Variants in CC2D2B observed in about 807,000 individuals in gnomAD.
CC2D2B encodes protein CC2D2B.
A neutral mutation model predicts 161.2 loss-of-function variants in CC2D2B; 128 were observed. The observed-to-expected ratio is 0.79, with a 90% CI of 0.69 to 0.92. The LOEUF is 0.92. Ranked by LOEUF, CC2D2B falls within the 40% of genes least tolerant of loss-of-function variation. The pLI is 0.00. For synonymous variants in CC2D2B, 391 were observed against 449.8 expected (o/e 0.87, Z 1.65); for missense variants, 1,173 against 1,375.1 (o/e 0.85, Z 2.32).
At chr10:95,993,762 AAG>A (rs1166466179) in intron 22 of CC2D2B, among the ~76,000 whole-genome samples, 6 of 146,670 alleles carry the variant, frequency 4.1e-5, no homozygotes, top group Non-Finnish European at 9.0e-5. Flanking sequence ...TATATATAGA[AAG>A]AGTGTGTATA....
At position 96,019,290 on chromosome 10, in the gene CC2D2B, C is replaced by G; in HGVS notation, c.3718C>G (p.Pro1240Ala). The G allele has an allele frequency of 6.2e-7, 1 of 1,611,688 alleles. No individual in the cohort carries two copies. Among genetic ancestry groups the G allele is most frequent in the East Asian group, 2.2e-5 (1 of 44,818 alleles). Residue 1240 changes from proline to alanine, a missense_variant, in exon 31 of 35, where the codon CCG (proline) becomes GCG (alanine). By Grantham distance (27) the Pro-to-Ala change is conservative. Coordinates refer to ENST00000646931, the MANE Select transcript of CC2D2B (RefSeq NM_001349008.3). Reference sequence around the variant, plus strand: ...TGGCCAATGTTATAAGCAGTTTGACCCGTTTTGTCCCTTAAAAAGTGTAGA... The same window carrying G: ...TGGCCAATGTTATAAGCAGTTTGACGCGTTTTGTCCCTTAAAAAGTGTAGA... Reference protein sequence around the residue: ...STGQCYKQFDPFCPLKSVDCL... With the variant: ...STGQCYKQFDAFCPLKSVDCL...
At chr10:96,025,168 T>TATATAAAAAAA (rs1564683746) in intron 33 of CC2D2B, among the ~76,000 whole-genome samples, 1 of 12,522 alleles carries the variant, frequency 8.0e-5, no homozygotes, top group African/African-American at 4.7e-4. Flanking sequence ...TATATATATA[T>TATATAAAAAAA]ATATATATAT....
At chr10:96,019,666 T>C (rs2079368634) in intron 31 of CC2D2B, 36 bp from the exon 32 acceptor site, 8 of 1,525,300 alleles carry the variant, frequency 5.2e-6, no homozygotes, top group Non-Finnish European at 7.0e-6. Context: ...TGTGTTCCTA[T>C]GGACCTACAC....
At chr10:95,981,346 TCGCGCCACCGCACTCCAGCCTGGCAA>T (rs1272193274) in intron 17 of CC2D2B, among the ~76,000 whole-genome samples, 12 of 137,000 alleles carry the variant, frequency 8.8e-5, no homozygotes, top group African/African-American at 3.4e-4. Flanking sequence ...TGAGCCGGGA[TCGCGCCACCGCACTCCAGCCTGGCAA>T]CTGGCTACAG....
chr10:96,018,947 G>A, intron 30 of CC2D2B: 1 of 280,382 alleles, frequency 3.6e-6, no homozygotes, highest in Non-Finnish European at 6.7e-6. Context: ...ACAGGTGTGT[G>A]TGCCGCTGTG....
At chr10:95,926,848 C>CTGTGTGTCTGTGTGTG (rs2098540014) in intron 5 of CC2D2B, among the ~76,000 whole-genome samples, 2 of 106,902 alleles carry the variant, frequency 1.9e-5, no homozygotes, top group Non-Finnish European at 3.7e-5. Context: ...GTGTGTGTGT[C>CTGTGTGTCTGTGTGTG]TGTGTGTGTG....
intron 6 of CC2D2B, among the ~76,000 whole-genome samples, chr10:95,932,513 G>A (rs528103942): frequency 3.9e-5 from 6 of 152,288 alleles, no homozygotes; most frequent in Non-Finnish European, 7.4e-5. Flanking sequence ...TGCAGTGGCT[G>A]ATGCTGGTTT....
At chr10:95,993,674 T>A (rs2078040232) in intron 22 of CC2D2B, among the ~76,000 whole-genome samples, 2 of 147,774 alleles carry the variant, frequency 1.4e-5, no homozygotes, top group South Asian at 4.2e-4. Context: ...ATAAGCATCA[T>A]GCTGCTAAAA....
chr10:96,005,653 A>G (rs959545036), intron 25 of CC2D2B, among the ~76,000 whole-genome samples: 1 of 151,746 alleles, frequency 6.6e-6, no homozygotes, highest in Non-Finnish European at 1.5e-5. Context: ...CCCTTTCTTC[A>G]GTTATGTATT....
chr10:96,013,830 A>C lies in CC2D2B; in HGVS notation c.3469A>C (p.Asn1157His). 1.2e-6 allele frequency: 2 copies of C among 1,602,860 alleles called. No individual in the cohort carries two copies. Among genetic ancestry groups the C allele is most frequent in the Non-Finnish European group, 1.7e-6 (2 of 1,173,714 alleles). Residue 1157 changes from asparagine (N) to histidine (H), a missense_variant, in exon 29 of 35, where the codon AAT becomes CAT. Asn to His is a moderately conservative substitution (Grantham distance 68). Around this residue, in one of 3 missense-constraint regions of CC2D2B, gnomAD observed 598 missense variants for 693.2 expected, o/e 0.86. Transcript: ENST00000646931. ...TGTATCTTTGATTCCTTTTGTGCCT[A>C]ATACACCAGATGAAAATGATGGCTC... ...RFVSLIPFVP[N>H]TPDENDGSDI...
rs2075699738 is a variant in CC2D2B at position 95,933,765 on chromosome 10, G to A, written c.337-4226G>A. Among the ~76,000 whole-genome samples, 3 of 152,206 alleles carry A rather than the reference G, an allele frequency of 2.0e-5. No homozygotes were observed. The South Asian group carries it at 6.2e-4, about 31-fold the overall frequency. ...TCCTTCCTCTGGAAGCTTCGTCCCA[G>A]AGGGGCACCCATCAGATGCCAGCGG... On this transcript the variant is annotated intron_variant, in intron 6 of 34. Transcript: ENST00000646931.
intron 24 of CC2D2B, among the ~76,000 whole-genome samples, chr10:96,001,990 ATTTG>A (rs1283454707): frequency 2.6e-5 from 4 of 152,224 alleles, no homozygotes; most frequent in South Asian, 2.1e-4. Flanking sequence ...TATAAAATGT[ATTTG>A]TTTGAAAAGT....
At chr10:95,983,956 G>C (rs138204634) in intron 19 of CC2D2B, 147 bp downstream of exon 19, 1 of 412,520 alleles carries the variant, frequency 2.4e-6, no homozygotes, top group Non-Finnish European at 4.1e-6. Context: ...AAAAATATAC[G>C]TATCTCCCAA....
At chr10:95,995,648 T>C (rs2078202625) in intron 23 of CC2D2B, among the ~76,000 whole-genome samples, 1 of 152,244 alleles carries the variant, frequency 6.6e-6, no homozygotes, top group Non-Finnish European at 1.5e-5. Flanking sequence ...AGGCATATCA[T>C]GCTACTCCTT....
In CC2D2B at chr10:95,992,635, T is replaced by G; in HGVS notation, c.2580T>G (p.Ile860Met). 1 of 1,234,250 alleles carries G rather than the reference T, an allele frequency of 8.1e-7. No homozygotes were observed. The highest frequency in any genetic ancestry group is 1.0e-6 in the Non-Finnish European group (1 of 988,070). The allele number at this position is 1,234,250 out of a possible 1,614,324, so 76.5% of individuals were successfully genotyped here. The stretch of plus-strand genomic sequence containing the variant: ...CGCAGGCGATCTCTGACGGAGATAT[T>G]AAGATTCTTGTCCGAATAGTGAGGG... Reference protein sequence around the residue: ...VTAQAISDGDIKILVRIVRAY... With the variant: ...VTAQAISDGDMKILVRIVRAY... The change falls in exon 22 of 35, where the codon ATT (isoleucine) becomes ATG (methionine). Residue 860 changes from isoleucine (I) to methionine (M), a missense_variant. Physicochemically the swap from Ile to Met is conservative, Grantham distance 10. Coordinates refer to ENST00000646931, the MANE Select transcript of CC2D2B (RefSeq NM_001349008.3).
Position 96,027,256 on chromosome 10 carries a change from A to G in CC2D2B, c.3992A>G (p.Lys1331Arg). Residue 1331 changes from lysine (K) to arginine (R), a missense_variant, in exon 34 of 35, where the codon AAA becomes AGA. Around this residue, in one of 3 missense-constraint regions of CC2D2B, gnomAD observed 598 missense variants for 693.2 expected, o/e 0.86. Coordinates refer to ENST00000646931, the MANE Select transcript of CC2D2B (RefSeq NM_001349008.3). Reference protein sequence around the residue: ...LKSKVMEWRPKHPTHWNRQCT... With the variant: ...LKSKVMEWRPRHPTHWNRQCT... Reference sequence around the variant, plus strand: ...AGTAAAGTGATGGAATGGCGACCTAAACACCCAACACATTGGAATCGACAG... The same window carrying G: ...AGTAAAGTGATGGAATGGCGACCTAGACACCCAACACATTGGAATCGACAG... 1 of 1,549,458 alleles carries G rather than the reference A, an allele frequency of 6.5e-7. No individual in the cohort carries two copies. The highest frequency in any genetic ancestry group is 1.2e-5 in the South Asian group (1 of 83,376).
chr10:95,954,228 T>C (rs1188255426), intron 10 of CC2D2B, among the ~76,000 whole-genome samples: 1 of 152,164 alleles, frequency 6.6e-6, no homozygotes, highest in Non-Finnish European at 1.5e-5. Context: ...TGTGAGTATA[T>C]ATGTGTGTGT....
chr10:96,010,866 G>A (rs1034019604), intron 26 of CC2D2B, among the ~76,000 whole-genome samples: 1 of 152,122 alleles, frequency 6.6e-6, no homozygotes, highest in African/African-American at 2.4e-5. Flanking sequence ...TCCTGCCTAT[G>A]TGTCCTGACA....
intron 12 of CC2D2B, among the ~76,000 whole-genome samples, chr10:95,965,094 T>C (rs1241296677): frequency 6.6e-6 from 1 of 152,148 alleles, no homozygotes; most frequent in Non-Finnish European, 1.5e-5. Flanking sequence ...CAACAGAGCA[T>C]GTAATATTTT....
Sources: gnomAD v4.1 joint callset for allele counts (sites outside exome capture counted in the v4.1 genomes callset) on GRCh38, gnomAD v4.1.1 for gene constraint, gnomAD v4.1.1 regional missense constraint, MANE v1.5 for transcripts, NCBI Gene and HGNC (gene_info 2026-07-23, HGNC 2026-07-21) for gene names.